Variants in ATP2C1 observed in about 807,000 individuals in gnomAD.
ATP2C1 encodes ATPase secretory pathway Ca2+ transporting 1.
A neutral mutation model predicts 120.5 loss-of-function variants in ATP2C1; 31 were observed. That is an observed-to-expected ratio of 0.26 (90% confidence interval 0.19 to 0.35). ATP2C1 has a LOEUF of 0.35. ATP2C1 is among the 10% of genes least tolerant of loss of function. The pLI, the probability that ATP2C1 is intolerant of heterozygous loss-of-function variation, is 1.00. For synonymous variants in ATP2C1, 351 were observed against 358.7 expected, an observed-to-expected ratio of 0.98 and a Z score of 0.24; for missense variants, 731 against 1,107.5, an observed-to-expected ratio of 0.66 and a Z score of 4.83.
At chr3:130,937,938 C>T (rs1419345173) in intron 6 of ATP2C1, among the ~76,000 whole-genome samples, 2 of 152,174 alleles carry the variant, frequency 1.3e-5, no homozygotes, top group Non-Finnish European at 2.9e-5. Flanking sequence ...GTGACTGATT[C>T]CCTTAGCCAA....
At chr3:130,939,979 A>G (rs2059825763) in intron 6 of ATP2C1, among the ~76,000 whole-genome samples, 2 of 152,210 alleles carry the variant, frequency 1.3e-5, no homozygotes, top group African/African-American at 2.4e-5. Flanking sequence ...GCTCATGGAA[A>G]TGTGGACTAA....
chr3:130,995,095 A>G (rs1195095477), intron 22 of ATP2C1, among the ~76,000 whole-genome samples: 2 of 152,160 alleles, frequency 1.3e-5, no homozygotes, highest in Non-Finnish European at 2.9e-5. Flanking sequence ...TACCACTAAG[A>G]AAAATGAGCT....
chr3:130,961,250 G>GT (rs11293218), intron 12 of ATP2C1, among the ~76,000 whole-genome samples: 19 of 146,410 alleles, frequency 1.3e-4, no homozygotes, highest in East Asian at 7.9e-4. Flanking sequence ...GAGGATTTGG[G>GT]TTTTTTTTTT....
intron 1 of ATP2C1, among the ~76,000 whole-genome samples, chr3:130,880,456 G>A (rs2068745241): frequency 6.6e-6 from 1 of 152,082 alleles, no homozygotes; most frequent in Admixed American, 6.6e-5. Flanking sequence ...ATATGATACA[G>A]GCTACAAAAG....
intron 16 of ATP2C1, among the ~76,000 whole-genome samples, chr3:130,968,761 TTTTTTGATA>T (rs2061163373): frequency 6.6e-6 from 1 of 152,260 alleles, no homozygotes; most frequent in Non-Finnish European, 1.5e-5. Context: ...TTGGAAGATA[TTTTTTGATA>T]TTTTTGATAT....
chr3:130,960,516 T>G (rs939837376), intron 12 of ATP2C1, among the ~76,000 whole-genome samples: 4 of 152,200 alleles, frequency 2.6e-5, no homozygotes, highest in Non-Finnish European at 5.9e-5. Flanking sequence ...ATTATAACTT[T>G]CCTAGTCCAG....
At chr3:130,868,253 G>A (rs1362176726) in intron 1 of ATP2C1, 6 of 142,174 alleles carry the variant, frequency 4.2e-5, no homozygotes, top group Non-Finnish European at 7.6e-5. Flanking sequence ...AGGTGGGGGG[G>A]TCAGCCCCCC....
chr3:130,945,569 A>G (rs1009108778), intron 8 of ATP2C1, among the ~76,000 whole-genome samples: 5 of 136,626 alleles, frequency 3.7e-5, no homozygotes, highest in African/African-American at 1.1e-4. Context: ...CCCGTGTCCA[A>G]GTGTTCTCAT....
chr3:130,866,510 T>C (rs2068181849), intron 1 of ATP2C1, among the ~76,000 whole-genome samples: 1 of 152,214 alleles, frequency 6.6e-6, no homozygotes, highest in Admixed American at 6.5e-5. Context: ...AGAAGCATTG[T>C]TCCAAAGGTC....
intron 9 of ATP2C1, 96 bp from the exon 10 acceptor site, chr3:130,954,916 T>C (rs1365010647): frequency 2.4e-6 from 2 of 841,102 alleles, no homozygotes; most frequent in Non-Finnish European, 4.1e-6. Flanking sequence ...ATCTTCACTG[T>C]AGGTAAGACT....
At chr3:130,904,784 C>G (rs563341092) in intron 2 of ATP2C1, among the ~76,000 whole-genome samples, 9 of 152,046 alleles carry the variant, frequency 5.9e-5, no homozygotes, top group Admixed American at 3.3e-4. Flanking sequence ...TGCTTAATGG[C>G]GAGTTTTCTA....
intron 26 of ATP2C1, among the ~76,000 whole-genome samples, chr3:131,011,123 T>A (rs888564693): frequency 6.6e-6 from 1 of 152,234 alleles, no homozygotes; most frequent in African/African-American, 2.4e-5. Context: ...TTAGCTATGG[T>A]CTTTATCTTC....
chr3:130,893,658 T>A (rs1042383961), upstream of ATP2C1, among the ~76,000 whole-genome samples: 2 of 152,348 alleles, frequency 1.3e-5, no homozygotes, highest in African/African-American at 4.8e-5. Flanking sequence ...TAGAGAGCGC[T>A]TAAACGCCTC....
chr3:130,936,886 C>T (rs577085346), intron 5 of ATP2C1, among the ~76,000 whole-genome samples: 6 of 151,560 alleles, frequency 4.0e-5, no homozygotes, highest in East Asian at 3.9e-4. Context: ...CCTTTTCCAC[C>T]GTATCTGTAT....
At chr3:130,875,190 C>T (rs984277602) in intron 1 of ATP2C1, among the ~76,000 whole-genome samples, 1 of 152,242 alleles carries the variant, frequency 6.6e-6, no homozygotes, top group East Asian at 1.9e-4. Flanking sequence ...GTTAACTATA[C>T]TCATCCCACA....
chr3:130,943,460 A>G (rs1196944647), intron 8 of ATP2C1, among the ~76,000 whole-genome samples: 2 of 152,094 alleles, frequency 1.3e-5, no homozygotes, highest in East Asian at 3.9e-4. Flanking sequence ...CAGGTGATCC[A>G]CCTGCCTCAG....
At chr3:130,941,930 A>G (rs1302014858) in intron 8 of ATP2C1, among the ~76,000 whole-genome samples, 3 of 152,094 alleles carry the variant, frequency 2.0e-5, no homozygotes, top group Non-Finnish European at 4.4e-5. Flanking sequence ...AAACCTGCAT[A>G]TTAGGGACTG....
intron 1 of ATP2C1, chr3:130,850,965 G>T: frequency 8.8e-7 from 1 of 1,142,212 alleles, no homozygotes; most frequent in South Asian, 2.6e-5. Context: ...AAATGAACGG[G>T]TGCTTGTTCC....
At position 131,001,427 on chromosome 3, in the gene ATP2C1, A is replaced by G. The variant is rs946651089; in HGVS notation, c.*77A>G. The G allele has an allele frequency of 6.4e-6, 10 of 1,555,300 alleles. No individual in the cohort carries two copies. Among genetic ancestry groups the G allele is most frequent in the African/African-American group, 2.7e-5 (2 of 72,754 alleles). On this transcript the variant is annotated 3_prime_UTR_variant, in exon 28 of 28. Transcript: ENST00000510168. ...TTTAGAAGGGCAAGTTCAAGAGGAT[A>G]TGAAGATTTGAGAACTTTTTAACTA...
Sources: gnomAD v4.1 joint callset for allele counts (sites outside exome capture counted in the v4.1 genomes callset) on GRCh38, gnomAD v4.1.1 for gene constraint, MANE v1.5 for transcripts, NCBI Gene and HGNC (gene_info 2026-07-23, HGNC 2026-07-21) for gene names.